Variants in USP6NL observed in about 807,000 individuals in gnomAD.
The protein encoded by USP6NL is USP6 N-terminal-like protein.
In USP6NL, 26 loss-of-function variants were observed where a neutral mutation model predicts 61.9. The ratio of observed to expected loss-of-function variants is 0.42; its 90% CI spans 0.31 to 0.58. The LOEUF is 0.58. USP6NL is among the 20% of genes least tolerant of loss of function. The pLI, the probability that USP6NL is intolerant of heterozygous loss-of-function variation, is 0.16. For synonymous variants in USP6NL, 432 were observed against 390.1 expected, an observed-to-expected ratio of 1.11 and a Z score of -1.27; for missense variants, 1,114 against 1,034.3, an observed-to-expected ratio of 1.08 and a Z score of -1.06.
intron 5 of USP6NL, among the ~76,000 whole-genome samples, chr10:11,516,641 A>G (rs1834969405): frequency 6.6e-6 from 1 of 152,216 alleles, no homozygotes; most frequent in South Asian, 2.1e-4. Flanking sequence ...AAAAGGCCTT[A>G]GGGAAACCCA....
At chr10:11,527,653 A>C in intron 2 of USP6NL, 86 bp from the exon 3 acceptor site, 1 of 1,211,266 alleles carries the variant, frequency 8.3e-7, no homozygotes, top group East Asian at 2.6e-5. Context: ...ATAATAAAAC[A>C]AAAAATAAAT....
intron 2 of USP6NL, among the ~76,000 whole-genome samples, chr10:11,546,738 C>A (rs1443678396): frequency 6.6e-6 from 1 of 152,164 alleles, no homozygotes; most frequent in African/African-American, 2.4e-5. Context: ...TTCTACAAAT[C>A]TAAGCACATC....
rs1432330962 is a variant in USP6NL, at chr10:11,591,739, G to C, written c.4+5892C>G. Among the ~76,000 whole-genome samples, 1 of 152,060 alleles carries C rather than the reference G, an allele frequency of 6.6e-6. No individual in the cohort carries two copies. Among genetic ancestry groups the C allele is most frequent in the Admixed American group, 6.6e-5 (1 of 15,266 alleles). ...GGGTACTATTTTTACAACTTTTCTT[G>C]TTGTAAGTTTGAAAAAATATCAAAA... On this transcript the variant is annotated intron_variant, in intron 2 of 14. Transcript: ENST00000609104. The surrounding 1 kb of genome is among the most constrained non-coding windows in gnomAD (Gnocchi z 4.7).
rs1313847177 is a variant in USP6NL, at chr10:11,528,159, A to ACACC, written c.5-593_5-592insGGTG. On this transcript the variant is annotated intron_variant, in intron 2 of 14. Coordinates refer to ENST00000609104, the MANE Select transcript of USP6NL (RefSeq NM_014688.5). This position sits in a 1 kb window ranked among gnomAD's most constrained non-coding sequence, Gnocchi z 4.6. The stretch of plus-strand genomic sequence containing the variant: ...CACACACACACACACACACACACAC[A>ACACC]CCCTTCATCCTTATTAACATTAGGA... Among the ~76,000 whole-genome samples the ACACC allele has an allele frequency of 1.3e-5, 2 of 150,902 alleles. No individual in the cohort carries two copies. Among genetic ancestry groups the ACACC allele is most frequent in the South Asian group, 4.2e-4 (2 of 4,782 alleles).
intron 4 of USP6NL, among the ~76,000 whole-genome samples, chr10:11,523,167 C>T (rs1266016264): frequency 6.6e-6 from 1 of 152,244 alleles, no homozygotes; most frequent in African/African-American, 2.4e-5. Context: ...TACAAAAGAA[C>T]TGATTGCAAT....
chr10:11,562,283 C>T lies in USP6NL; in HGVS notation c.5-34716G>A. ...TCTCAAAAAAAAAAAAAAAAAATTG[C>T]ATTCCCAGGACCCCCCTGCAGCTAG... On this transcript the variant is annotated intron_variant, in intron 2 of 14. Transcript: ENST00000609104. This position sits in a 1 kb window ranked among gnomAD's most constrained non-coding sequence, Gnocchi z 4.8. The T allele has an allele frequency of 3.2e-6, 2 of 622,096 alleles. No homozygotes were observed. Among genetic ancestry groups the T allele is most frequent in the Non-Finnish European group, 4.0e-6 (2 of 497,660 alleles). 38.5% of individuals were successfully genotyped at this position (622,096 alleles called of 1,614,324 possible).
Position 11,529,690 on chromosome 10 carries a change from A to T in USP6NL, c.5-2123T>A, listed in dbSNP as rs189963693. On this transcript the variant is annotated intron_variant, in intron 2 of 14. Coordinates refer to ENST00000609104, the MANE Select transcript of USP6NL (RefSeq NM_014688.5). ...ATGCAAACAGAAGTCTGAGATAATC[A>T]ACTCAATGATATACATATTCACTAC... is the stretch of plus-strand genomic sequence containing the variant. Among the ~76,000 whole-genome samples, 35 of 152,382 alleles carry T rather than the reference A, an allele frequency of 2.3e-4. No homozygotes were observed. In the East Asian group the frequency reaches 6.7e-3, roughly 29 times the overall value.
At chr10:11,555,103 T>TTG (rs1836638073) in intron 2 of USP6NL, among the ~76,000 whole-genome samples, 4 of 132,630 alleles carry the variant, frequency 3.0e-5, no homozygotes, top group Non-Finnish European at 4.8e-5. Flanking sequence ...TTTTTTTTTT[T>TTG]TTTTGGTTTT....
chr10:11,504,874 G>C lies in USP6NL; in HGVS notation c.277-3666C>G, dbSNP rs142776271. Among the ~76,000 whole-genome samples, 1,516 of 152,360 alleles carry C rather than the reference G, an allele frequency of 1.0e-2. 20 individuals are homozygous for C. Among genetic ancestry groups the C allele is most frequent in the Admixed American group, 0.015 (224 of 15,310 alleles). ...GACAGGGGAGGTGCTGGTAGAGACA[G>C]ACTCCCCAGTGAGCCAGAGTGGTAA... On this transcript the variant is annotated intron_variant, in intron 6 of 14. Transcript: ENST00000609104.
In USP6NL at chr10:11,495,083, G is replaced by C. The variant is rs932272577; in HGVS notation, c.385-1855C>G. The stretch of plus-strand genomic sequence containing the variant: ...GCTAGACCTCGGTCCGCCTGGCAAC[G>C]GGCGTCTTCCCAGATGCTGGCGTTA... On this transcript the variant is annotated intron_variant, in intron 7 of 14. Coordinates refer to ENST00000609104, the MANE Select transcript of USP6NL (RefSeq NM_014688.5). This position sits in a 1 kb window ranked among gnomAD's most constrained non-coding sequence, Gnocchi z 4.6. 2.0e-5 allele frequency among the ~76,000 whole-genome samples: 3 copies of C among 152,176 alleles called. No homozygotes were observed. Among genetic ancestry groups the C allele is most frequent in the Non-Finnish European group, 2.9e-5 (2 of 68,032 alleles).
At position 11,585,120 on chromosome 10, in the gene USP6NL, G is replaced by A. The variant is rs180738324; in HGVS notation, c.4+12511C>T. Among the ~76,000 whole-genome samples the A allele has an allele frequency of 1.3e-5, 2 of 152,286 alleles. No homozygotes were observed. Among genetic ancestry groups the A allele is most frequent in the African/African-American group, 4.8e-5 (2 of 41,558 alleles). On this transcript the variant is annotated intron_variant, in intron 2 of 14. Transcript: ENST00000609104. The surrounding 1 kb of genome is among the most constrained non-coding windows in gnomAD (Gnocchi z 4.5). ...AGAATGATATGATGCAAGAGAAAAT[G>A]TAAACAGTGAGTCCATGAAAAAGTT... is the stretch of plus-strand genomic sequence containing the variant.
chr10:11,479,669 G>A (rs890234591), intron 14 of USP6NL, among the ~76,000 whole-genome samples: 8 of 149,152 alleles, frequency 5.4e-5, no homozygotes, highest in East Asian at 4.1e-4. Flanking sequence ...TCCACCTCCC[G>A]GGTTCATGCC....
At position 11,463,684 on chromosome 10, in the gene USP6NL, G is replaced by A. The variant is rs781739850; in HGVS notation, c.1244C>T (p.Ser415Phe). ...CCCGGTCCTGCTCTGGGGGTGCGGG[G>A]AGTGCTCGTGCCTCCTGTGGGGCGC... ...SGAPHRRHEHSPHPQSRTGTP... is the reference protein window; with the variant it reads ...SGAPHRRHEHFPHPQSRTGTP... The change falls in exon 15 of 15, where the codon TCC becomes TTC. Residue 415 changes from serine to phenylalanine, a missense_variant. Ser to Phe is a radical substitution (Grantham distance 155). Coordinates refer to ENST00000609104, the MANE Select transcript of USP6NL (RefSeq NM_014688.5). This position sits in a 1 kb window ranked among gnomAD's most constrained non-coding sequence, Gnocchi z 6.3. 6.2e-6 allele frequency: 10 copies of A among 1,613,746 alleles called. No individual in the cohort carries two copies. Among genetic ancestry groups the A allele is most frequent in the South Asian group, 1.1e-5 (1 of 91,062 alleles).
At chr10:11,557,191 G>A (rs1205283213) in intron 2 of USP6NL, among the ~76,000 whole-genome samples, 1 of 152,074 alleles carries the variant, frequency 6.6e-6, no homozygotes, top group African/African-American at 2.4e-5. Context: ...TGCTCAATCA[G>A]CTCATTCAAT....
At chr10:11,544,991 C>T (rs963480625) in intron 2 of USP6NL, among the ~76,000 whole-genome samples, 1 of 152,204 alleles carries the variant, frequency 6.6e-6, no homozygotes, top group African/African-American at 2.4e-5. Context: ...AATAGTTACA[C>T]ACAGTTAACA....
chr10:11,564,191 C>T (rs973385309), intron 2 of USP6NL: 2 of 152,196 alleles, frequency 1.3e-5, no homozygotes, highest in Non-Finnish European at 2.9e-5. Flanking sequence ...AAACAATACT[C>T]AAGCAGCCTT....
chr10:11,526,049 C>T (rs1412426415), intron 3 of USP6NL, among the ~76,000 whole-genome samples: 1 of 148,498 alleles, frequency 6.7e-6, no homozygotes. Flanking sequence ...TCGCTCACTC[C>T]CTCTTCCCAA....
chr10:11,482,475 CA>C lies in USP6NL; in HGVS notation c.926-554del, dbSNP rs1053979519. On this transcript the variant is annotated intron_variant, in intron 13 of 14. Coordinates refer to ENST00000609104, the MANE Select transcript of USP6NL (RefSeq NM_014688.5). The surrounding 1 kb of genome is among the most constrained non-coding windows in gnomAD (Gnocchi z 4.0). ...AATCTGCTCATTACATAATACCCTACATAATACACCTCATTACATAACACCC... is the reference window on the plus strand; with the variant it reads ...AATCTGCTCATTACATAATACCCTACTAATACACCTCATTACATAACACCC... 1.3e-5 allele frequency among the ~76,000 whole-genome samples: 2 copies of C among 152,214 alleles called. No homozygotes were observed. The highest frequency in any genetic ancestry group is 4.8e-5 in the African/African-American group (2 of 41,446).
At position 11,564,282 on chromosome 10, in the gene USP6NL, A is replaced by G. The variant is rs1837043151; in HGVS notation, c.4+33349T>C. ...ATTTAAATTATATCAAGATAGTGCT[A>G]TAAACATTTAATTTCAAGTAGCATT... On this transcript the variant is annotated intron_variant, in intron 2 of 14. Transcript: ENST00000609104. 7 of 152,350 alleles carry G rather than the reference A, an allele frequency of 4.6e-5. No individual in the cohort carries two copies. In the South Asian group the frequency reaches 1.4e-3, roughly 32 times the overall value. The allele number at this position is 152,350 out of a possible 1,614,324, so 9.4% of individuals were successfully genotyped here.
Sources: gnomAD v4.1 joint callset for allele counts (sites outside exome capture counted in the v4.1 genomes callset) on GRCh38, gnomAD v4.1.1 for gene constraint, Gnocchi (gnomAD v3.1) non-coding constraint, MANE v1.5 for transcripts, NCBI Gene and HGNC (gene_info 2026-07-23, HGNC 2026-07-21) for gene names.